HS6ST2: variants seen among roughly 807,000 people sequenced by gnomAD.
The protein encoded by HS6ST2 is heparan sulfate 6-O-sulfotransferase 2.
In HS6ST2, 17 loss-of-function variants were observed where a neutral mutation model predicts 33.0. The observed-to-expected ratio is 0.52, with a 90% CI of 0.35 to 0.77. The LOEUF (loss-of-function observed/expected upper bound fraction) is 0.77, where lower values mean the gene tolerates loss of function less well. Among genes scored for constraint, HS6ST2 ranks in the 30% least tolerant of loss-of-function variants. The probability of loss-of-function intolerance (pLI) is 0.01; values close to 1 mark genes in which losing one functional copy is unlikely to be tolerated. For synonymous variants in HS6ST2, 248 were observed against 237.1 expected (o/e 1.05, Z -0.42); for missense variants, 519 against 551.7 (o/e 0.94, Z 0.59).
At chrX:132,812,012 T>C (rs2065351006) in intron 2 of HS6ST2, among the ~76,000 whole-genome samples, 1 of 109,308 alleles carries the variant, frequency 9.1e-6, no homozygotes, top group African/African-American at 3.3e-5. Flanking sequence ...ACCATGCTGT[T>C]TTCCACAGTA....
At chrX:132,950,731 TAA>T (rs1844602234) in intron 2 of HS6ST2, among the ~76,000 whole-genome samples, 1 of 112,368 alleles carries the variant, frequency 8.9e-6, no homozygotes, top group Admixed American at 9.5e-5. Flanking sequence ...CTTTGTACAG[TAA>T]AGATTTCAAC....
At chrX:132,772,478 C>T (rs2064909797) in intron 2 of HS6ST2, among the ~76,000 whole-genome samples, 1 of 107,481 alleles carries the variant, frequency 9.3e-6, no homozygotes, top group Non-Finnish European at 1.9e-5. Flanking sequence ...AAGTATAAGA[C>T]TTTCACACTT....
At chrX:132,731,938 T>C (rs2064462072) in intron 2 of HS6ST2, among the ~76,000 whole-genome samples, 1 of 111,325 alleles carries the variant, frequency 9.0e-6, no homozygotes. Flanking sequence ...CTCTGACTGC[T>C]TTTTTTCCAA....
chrX:132,655,508 C>CA (rs2063724288), intron 4 of HS6ST2, among the ~76,000 whole-genome samples: 1 of 111,397 alleles, frequency 9.0e-6, no homozygotes, highest in African/African-American at 3.3e-5. Flanking sequence ...TTAACTTGTC[C>CA]AAGGTACTAG....
intron 2 of HS6ST2, among the ~76,000 whole-genome samples, chrX:132,885,610 T>G (rs759771656): frequency 3.5e-4 from 39 of 111,014 alleles, no homozygotes; most frequent in Non-Finnish European, 7.2e-4. Context: ...AGAACACATA[T>G]GATGTAAGAT....
At chrX:132,808,427 G>C (rs1262395425) in intron 2 of HS6ST2, among the ~76,000 whole-genome samples, 1 of 111,944 alleles carries the variant, frequency 8.9e-6, no homozygotes. Context: ...CCAGCCCCAT[G>C]TGTCATGGGA....
intron 4 of HS6ST2, among the ~76,000 whole-genome samples, chrX:132,649,586 G>C (rs774537539): frequency 1.8e-5 from 2 of 112,364 alleles, no homozygotes; most frequent in African/African-American, 3.2e-5. Context: ...GGCTGGGCAT[G>C]GTGGCTCACG....
At chrX:132,813,412 A>G (rs1444458302) in intron 2 of HS6ST2, among the ~76,000 whole-genome samples, 1 of 111,623 alleles carries the variant, frequency 9.0e-6, no homozygotes. Flanking sequence ...TATTCCGCCC[A>G]GATCACACAT....
intron 2 of HS6ST2, among the ~76,000 whole-genome samples, chrX:132,876,285 C>T (rs887895599): frequency 9.0e-6 from 1 of 111,667 alleles, no homozygotes; most frequent in Non-Finnish European, 1.9e-5. Flanking sequence ...CAGTCCTCAA[C>T]TACTAGAGAA....
intron 2 of HS6ST2, among the ~76,000 whole-genome samples, chrX:132,923,491 T>C (rs1345669593): frequency 8.9e-6 from 1 of 112,031 alleles, no homozygotes; most frequent in Non-Finnish European, 1.9e-5. Flanking sequence ...TGTTTACTGA[T>C]GTTACTAATC....
chrX:132,885,822 T>G (rs914233255), intron 2 of HS6ST2, among the ~76,000 whole-genome samples: 6 of 110,959 alleles, frequency 5.4e-5, no homozygotes, highest in Admixed American at 3.9e-4. Flanking sequence ...AAACAAGAAT[T>G]TAAAAACTGA....
At position 132,669,164 on chromosome X, in the gene HS6ST2, C is replaced by G; in HGVS notation, c.1016G>C (p.Gly339Ala). ...DKRGSPNTNA[G>A]ANSPSSTKTR... is the part of the protein sequence containing the mutation. ...CTTTGTGGATGACGGAGAGTTGGCG[C>G]CTGCGTTAGTGTTTGGAGAACCCCG... The change falls in exon 4 of 5, where the codon GGC becomes GCC. Residue 339 changes from glycine (G) to alanine (A), a missense_variant. Coordinates refer to ENST00000370833, the MANE Select transcript of HS6ST2 (RefSeq NM_001394073.1). The G allele has an allele frequency of 8.3e-7, 1 of 1,209,927 alleles. No homozygotes were observed. The highest frequency in any genetic ancestry group is 1.7e-5 in the African/African-American group (1 of 57,685).
At chrX:132,784,860 T>C (rs2065047785) in intron 2 of HS6ST2, among the ~76,000 whole-genome samples, 1 of 111,704 alleles carries the variant, frequency 9.0e-6, no homozygotes, top group African/African-American at 3.3e-5. Flanking sequence ...ATTTGAAATC[T>C]TTACACATTA....
intron 2 of HS6ST2, among the ~76,000 whole-genome samples, chrX:132,721,255 C>A (rs1244561131): frequency 1.8e-5 from 2 of 111,195 alleles, no homozygotes; most frequent in Non-Finnish European, 1.9e-5. Flanking sequence ...TGGAATAAAG[C>A]TAGAAATAAA....
intron 4 of HS6ST2, 90 bp from the exon 5 acceptor site, chrX:132,629,183 C>T: frequency 2.0e-6 from 2 of 1,017,122 alleles, no homozygotes; most frequent in Non-Finnish European, 2.6e-6. Context: ...TGTTCACTGG[C>T]TAAAAAGGAA....
Position 132,958,344 on chromosome X carries a change from A to G in HS6ST2, c.259T>C (p.Phe87Leu). Residue 87 changes from phenylalanine (F) to leucine (L), a missense_variant, in exon 1 of 5, where the codon TTC (phenylalanine) becomes CTC (leucine). Coordinates refer to ENST00000370833, the MANE Select transcript of HS6ST2 (RefSeq NM_001394073.1). ...CGGCGGCCCCGGGACAGCAGCGCGA[A>G]AAGCGGGGCGCACGCGGCTCCCGCC... ...SLAGAACAPL[F>L]ALLSRGRRRR... is the part of the protein sequence containing the mutation. 1 of 1,198,889 alleles carries G rather than the reference A, an allele frequency of 8.3e-7. No individual in the cohort carries two copies. The highest frequency in any genetic ancestry group is 1.1e-6 in the Non-Finnish European group (1 of 893,768).
At position 132,812,405 on chromosome X, in the gene HS6ST2, A is replaced by AAATAATAATAAT. The variant is rs55880539; in HGVS notation, c.948-103923_948-103912dup. On this transcript the variant is annotated intron_variant, in intron 2 of 4. Transcript: ENST00000370833. ...GGGCAACAGAGCAAGACTCTGTCTC[A>AAATAATAATAAT]AATAATAATAATAATAATAATAATA... is the stretch of plus-strand genomic sequence containing the variant. Among the ~76,000 whole-genome samples the AAATAATAATAAT allele has an allele frequency of 2.0e-3, 173 of 84,916 alleles. 1 individual carries two copies. Among genetic ancestry groups the AAATAATAATAAT allele is most frequent in the South Asian group, 5.9e-3 (9 of 1,523 alleles). The allele number at this position is 84,916 out of a possible 115,157, so 73.7% of individuals were successfully genotyped here.
intron 2 of HS6ST2, among the ~76,000 whole-genome samples, chrX:132,896,470 CAA>C (rs1176818195): frequency 1.9e-4 from 10 of 52,205 alleles, no homozygotes; most frequent in Admixed American, 4.8e-4. Flanking sequence ...GACTCCGTCT[CAA>C]AAAAAAAAAA....
At chrX:132,864,142 G>A (rs5930585) in intron 2 of HS6ST2, among the ~76,000 whole-genome samples, 34,699 of 108,890 alleles carry the variant, frequency 0.32, 4,360 homozygotes, top group African/African-American at 0.38. Flanking sequence ...TGAAGATGAG[G>A]AAAAACCATC....
Sources: allele counts gnomAD v4.1 joint callset (sites outside exome capture counted in the v4.1 genomes callset), GRCh38; gene constraint gnomAD v4.1.1; transcripts MANE v1.5; gene names NCBI Gene and HGNC (gene_info 2026-07-23, HGNC 2026-07-21).